CADPS: variants seen among roughly 807,000 people sequenced by gnomAD.
CADPS encodes calcium dependent secretion activator.
A neutral mutation model predicts 167.3 loss-of-function variants in CADPS; 57 were observed. The observed-to-expected ratio is 0.34, with a 90% CI of 0.28 to 0.42. CADPS has a LOEUF of 0.42. Ranked by LOEUF, CADPS falls within the 20% of genes least tolerant of loss-of-function variation. The pLI, the probability that CADPS is intolerant of heterozygous loss-of-function variation, is 1.00. For missense variants in CADPS, 1,414 were observed against 1,738.1 expected, an observed-to-expected ratio of 0.81 and a Z score of 3.32; for synonymous variants, 676 against 635.3, an observed-to-expected ratio of 1.06 and a Z score of -0.96.
Position 62,399,182 on chromosome 3 carries a change from G to A in CADPS, c.*224C>T, listed in dbSNP as rs953522993. On this transcript the variant is annotated 3_prime_UTR_variant, in exon 30 of 30. Transcript: ENST00000383710. This position sits in a 1 kb window ranked among gnomAD's most constrained non-coding sequence, Gnocchi z 5.6. ...CTCCATGAACAGTATTTAAAGAATG[G>A]TGCTCCATATTGCTTGTAAACATAT... 11 of 504,054 alleles carry A rather than the reference G, an allele frequency of 2.2e-5. No individual in the cohort carries two copies. The highest frequency in any genetic ancestry group is 3.9e-5 in the Non-Finnish European group (11 of 278,826). 31.2% of individuals were successfully genotyped at this position (504,054 alleles called of 1,614,324 possible).
chr3:62,521,932 AC>A (rs1178454659), intron 13 of CADPS, among the ~76,000 whole-genome samples: 3 of 152,014 alleles, frequency 2.0e-5, no homozygotes, highest in Non-Finnish European at 4.4e-5. Flanking sequence ...CTACCAGGAC[AC>A]CCTCCTCTGG....
At chr3:62,443,961 T>G (rs928409657) in intron 27 of CADPS, among the ~76,000 whole-genome samples, 5 of 152,194 alleles carry the variant, frequency 3.3e-5, no homozygotes, top group African/African-American at 4.8e-5. Context: ...TGAACCTAGC[T>G]TGCAGGAATT....
chr3:62,524,476 G>T (rs191596225), intron 13 of CADPS, among the ~76,000 whole-genome samples: 175 of 152,240 alleles, frequency 1.1e-3, no homozygotes, highest in African/African-American at 4.0e-3. Context: ...GAATAAGATA[G>T]GAAGCAACAA....
At chr3:62,568,275 T>C (rs1274156176) in intron 9 of CADPS, among the ~76,000 whole-genome samples, 1 of 152,184 alleles carries the variant, frequency 6.6e-6, no homozygotes, top group African/African-American at 2.4e-5. Flanking sequence ...TCTGGGTGTG[T>C]CTGTGAGGGT....
intron 28 of CADPS, among the ~76,000 whole-genome samples, chr3:62,430,622 G>A (rs905256599): frequency 1.3e-5 from 2 of 151,934 alleles, no homozygotes; most frequent in African/African-American, 2.4e-5. Context: ...GTTTTCCTCT[G>A]CCAAGGAAAC....
intron 2 of CADPS, among the ~76,000 whole-genome samples, chr3:62,757,371 C>A (rs1010798504): frequency 1.3e-5 from 2 of 152,052 alleles, no homozygotes; most frequent in South Asian, 4.2e-4. Flanking sequence ...ACTATAAGTT[C>A]CAGGGAGGCA....
At position 62,478,157 on chromosome 3, in the gene CADPS, T is replaced by C. The variant is rs2061553323; in HGVS notation, c.3329+104A>G. 1 of 1,265,594 alleles carries C rather than the reference T, an allele frequency of 7.9e-7. No homozygotes were observed. The allele number at this position is 1,265,594 out of a possible 1,614,324, so 78.4% of individuals were successfully genotyped here. A position where few individuals can be genotyped will look rare whatever the true frequency, so the allele number is the denominator to read the frequency against. ...TTTGACAAGCAATCCCCTTCTCCAATTAGTTTCAAACTACAGCCAATTGAA... is the reference window on the plus strand; with the variant it reads ...TTTGACAAGCAATCCCCTTCTCCAACTAGTTTCAAACTACAGCCAATTGAA... On this transcript the variant is annotated intron_variant, in intron 23 of 29. Transcript: ENST00000383710. This position sits in a 1 kb window ranked among gnomAD's most constrained non-coding sequence, Gnocchi z 5.7.
intron 6 of CADPS, among the ~76,000 whole-genome samples, chr3:62,600,359 A>G (rs1024592485): frequency 6.6e-6 from 1 of 152,118 alleles, no homozygotes; most frequent in Non-Finnish European, 1.5e-5. Flanking sequence ...ATAAGCTGCT[A>G]TTATTACTTT....
intron 24 of CADPS, among the ~76,000 whole-genome samples, chr3:62,470,474 A>G (rs989825378): frequency 6.6e-6 from 1 of 152,256 alleles, no homozygotes; most frequent in Non-Finnish European, 1.5e-5. Flanking sequence ...GGAGATGAAT[A>G]TTCCCATTCT....
rs183343847 is a variant in CADPS at position 62,757,390 on chromosome 3, G to A, written c.556-3617C>T. 8.8e-4 allele frequency among the ~76,000 whole-genome samples: 134 copies of A among 152,238 alleles called. 1 individual carries two copies. In the South Asian group the frequency reaches 0.014, roughly 16 times the overall value. On this transcript the variant is annotated intron_variant, in intron 2 of 29. Coordinates refer to ENST00000383710, the MANE Select transcript of CADPS (RefSeq NM_003716.4). ...TAAGTTCCAGGGAGGCAGGGTAGTC[G>A]TTGTTTGTTTCTATTACTGCTTCTT... is the stretch of plus-strand genomic sequence containing the variant.
At chr3:62,566,276 C>G (rs1479702227) in intron 9 of CADPS, among the ~76,000 whole-genome samples, 2 of 152,178 alleles carry the variant, frequency 1.3e-5, no homozygotes, top group Non-Finnish European at 2.9e-5. Context: ...CAGGGTGGTT[C>G]TCCGGGTTTC....
chr3:62,442,930 T>C (rs979361286), intron 27 of CADPS, among the ~76,000 whole-genome samples: 1 of 152,254 alleles, frequency 6.6e-6, no homozygotes, highest in Non-Finnish European at 1.5e-5. Context: ...AATATACGTG[T>C]ATTATGTACT....
intron 6 of CADPS, among the ~76,000 whole-genome samples, chr3:62,593,080 T>A (rs781274864): frequency 6.6e-6 from 1 of 152,230 alleles, no homozygotes; most frequent in Non-Finnish European, 1.5e-5. Context: ...TAATATTTCA[T>A]TGCATCCTTT....
intron 6 of CADPS, among the ~76,000 whole-genome samples, chr3:62,611,729 T>C (rs761000308): frequency 6.6e-6 from 1 of 152,196 alleles, no homozygotes; most frequent in East Asian, 1.9e-4. Flanking sequence ...TCTTCATACT[T>C]ACTGTTCCCT....
intron 3 of CADPS, among the ~76,000 whole-genome samples, chr3:62,673,588 C>T (rs1422705621): frequency 1.3e-5 from 2 of 152,176 alleles, no homozygotes; most frequent in African/African-American, 4.8e-5. Context: ...AGGATAAATA[C>T]ATAACTTGAT....
At chr3:62,642,957 C>G in intron 6 of CADPS, among the ~76,000 whole-genome samples, 1 of 145,860 alleles carries the variant, frequency 6.9e-6, no homozygotes, top group East Asian at 2.0e-4. Flanking sequence ...CAAAACAAAA[C>G]AAAACCCAAA....
rs2082847525 is a variant in CADPS at position 62,708,932 on chromosome 3, C to T, written c.888+44509G>A. On this transcript the variant is annotated intron_variant, in intron 3 of 29. Coordinates refer to ENST00000383710, the MANE Select transcript of CADPS (RefSeq NM_003716.4). Reference sequence around the variant, plus strand: ...ACAGAACACAATTAGCTACTGGAGCCTCTCTCTTTGCAAGGGCTCCACCCT... The same window carrying T: ...ACAGAACACAATTAGCTACTGGAGCTTCTCTCTTTGCAAGGGCTCCACCCT... Among the ~76,000 whole-genome samples, 2 of 151,994 alleles carry T rather than the reference C, an allele frequency of 1.3e-5. 1 individual carries two copies. The highest frequency in any genetic ancestry group is 4.8e-5 in the African/African-American group (2 of 41,354).
At chr3:62,426,944 A>G (rs1220788803) in intron 28 of CADPS, among the ~76,000 whole-genome samples, 1 of 151,638 alleles carries the variant, frequency 6.6e-6, no homozygotes, top group Non-Finnish European at 1.5e-5. Flanking sequence ...GCATGGTGGC[A>G]GGCGCCTATA....
chr3:62,699,767 C>T (rs1471312347), intron 3 of CADPS, among the ~76,000 whole-genome samples: 1 of 152,006 alleles, frequency 6.6e-6, no homozygotes, highest in African/African-American at 2.4e-5. Flanking sequence ...TGGGGTTTTG[C>T]TACGTTGACC....
Sources: allele counts gnomAD v4.1 joint callset (sites outside exome capture counted in the v4.1 genomes callset), GRCh38; gene constraint gnomAD v4.1.1; non-coding constraint Gnocchi (gnomAD v3.1); transcripts MANE v1.5; gene names NCBI Gene and HGNC (gene_info 2026-07-23, HGNC 2026-07-21).